The following ATG4D variants were observed in gnomAD, a reference collection of about 807,000 sequenced individuals.
ATG4D encodes cysteine protease ATG4D.
A neutral mutation model predicts 55.2 loss-of-function variants in ATG4D; 51 were observed. That is an observed-to-expected ratio of 0.92 (90% CI 0.74 to 1.17). The LOEUF is 1.17. ATG4D is among the 50% of genes most tolerant of loss of function. The pLI, the probability that ATG4D is intolerant of heterozygous loss-of-function variation, is 0.00. For missense variants in ATG4D, 635 were observed against 649.6 expected (o/e 0.98, Z 0.25); for synonymous variants, 268 against 266.2 (o/e 1.01, Z -0.07).
chr19:10,553,264 C>A lies in ATG4D; in HGVS notation c.*197C>A. The A allele has an allele frequency of 1.5e-6, 1 of 687,492 alleles. No individual in the cohort carries two copies. The highest frequency in any genetic ancestry group is 2.3e-6 in the Non-Finnish European group (1 of 440,504). The allele number at this position is 687,492 out of a possible 1,614,324, so 42.6% of individuals were successfully genotyped here. A position where few individuals can be genotyped will look rare whatever the true frequency, so the allele number is the denominator to read the frequency against. ...ATACACCTGTCTCCCACCAGCGGGG[C>A]CCTCCTGGCAGGGTAGGGAAGGAGG... On this transcript the variant is annotated 3_prime_UTR_variant, in exon 10 of 10. Transcript: ENST00000309469.
intron 3 of ATG4D, among the ~76,000 whole-genome samples, chr19:10,545,465 C>G (rs994386520): frequency 5.3e-5 from 8 of 150,620 alleles, no homozygotes; most frequent in Admixed American, 3.3e-4. Context: ...CCAGCTACTC[C>G]CGAGGCTGAG....
intron 5 of ATG4D, 46 bp downstream of exon 5, chr19:10,547,299 G>A: frequency 6.3e-7 from 1 of 1,595,858 alleles, no homozygotes. Context: ...CCCTGAGCCA[G>A]ACTCTGCCTT....
intron 9 of ATG4D, 32 bp downstream of exon 9, chr19:10,552,356 G>A (rs368055589): frequency 3.1e-6 from 5 of 1,593,910 alleles, no homozygotes; most frequent in Non-Finnish European, 3.4e-6. Context: ...GTGGGGTGAG[G>A]GGGGCGGTTG....
rs773668883 is a variant in ATG4D at position 10,545,076 on chromosome 19, C to G, written c.439C>G (p.Arg147Gly). ...TSDCGWGCML[R>G]SGQMMLAQGL... The stretch of plus-strand genomic sequence containing the variant: ...GGACTGTGGCTGGGGGTGCATGTTA[C>G]GCAGCGGCCAGATGATGCTGGCACA... Residue 147 changes from arginine (R) to glycine (G), a missense_variant, in exon 3 of 10, where the codon CGC becomes GGC. By Grantham distance (125) the Arg-to-Gly change is moderately radical (BLOSUM62 -2). Transcript: ENST00000309469. 1.5e-5 allele frequency: 25 copies of G among 1,612,974 alleles called. No homozygotes were observed. Among genetic ancestry groups the G allele is most frequent in the Non-Finnish European group, 2.1e-5 (25 of 1,180,024 alleles).
At chr19:10,548,192 G>C (rs944294340) in intron 5 of ATG4D, among the ~76,000 whole-genome samples, 1 of 151,182 alleles carries the variant, frequency 6.6e-6, no homozygotes, top group African/African-American at 2.4e-5. Context: ...ATCACGCCCA[G>C]CTAATTTTTT....
chr19:10,545,663 G>A (rs910288155), intron 3 of ATG4D, among the ~76,000 whole-genome samples: 1 of 150,498 alleles, frequency 6.6e-6, no homozygotes, highest in Non-Finnish European at 1.5e-5. Context: ...GGATCATGAG[G>A]TCAGGAGTTC....
chr19:10,545,161 G>T, intron 3 of ATG4D, 31 bp downstream of exon 3: 1 of 1,601,836 alleles, frequency 6.2e-7, no homozygotes, highest in Non-Finnish European at 8.5e-7. Context: ...GGTGCACTAG[G>T]AGTACAGGGT....
At chr19:10,544,599 A>C in intron 1 of ATG4D, 184 bp from the exon 2 acceptor site, 2 of 1,236,054 alleles carry the variant, frequency 1.6e-6, no homozygotes, top group Non-Finnish European at 1.1e-6. Flanking sequence ...ACCTTCCTTC[A>C]TCCTGAATTG....
Position 10,553,382 on chromosome 19 carries a change from T to C in ATG4D, c.*315T>C. 1 of 282,976 alleles carries C rather than the reference T, an allele frequency of 3.5e-6. No individual in the cohort carries two copies. The highest frequency in any genetic ancestry group is 6.7e-6 in the Non-Finnish European group (1 of 149,162). The allele number at this position is 282,976 out of a possible 1,614,324, so 17.5% of individuals were successfully genotyped here. On this transcript the variant is annotated 3_prime_UTR_variant, in exon 10 of 10. Coordinates refer to ENST00000309469, the MANE Select transcript of ATG4D (RefSeq NM_032885.6). ...TGTCCCAAAGCCCCCTTGGGGGAAC[T>C]GTGGCTGCTGGGGGCCAATAAAGCT...
At chr19:10,549,916 TG>T (rs562372373) in intron 6 of ATG4D, among the ~76,000 whole-genome samples, 6 of 152,102 alleles carry the variant, frequency 3.9e-5, no homozygotes, top group Non-Finnish European at 8.8e-5. Flanking sequence ...CCAGGCACAG[TG>T]GCTCAGGCCT....
chr19:10,546,232 G>T (rs1254296194), intron 3 of ATG4D, among the ~76,000 whole-genome samples: 2 of 151,908 alleles, frequency 1.3e-5, no homozygotes, highest in Non-Finnish European at 2.9e-5. Flanking sequence ...GCTGAGGCGG[G>T]AGAATCTGTT....
At chr19:10,552,351 G>C in intron 9 of ATG4D, 27 bp downstream of exon 9, 1 of 1,601,120 alleles carries the variant, frequency 6.2e-7, no homozygotes, top group Non-Finnish European at 8.5e-7. Flanking sequence ...CTGGAGTGGG[G>C]TGAGGGGGGC....
chr19:10,548,870 A>T, intron 5 of ATG4D, 34 bp from the exon 6 acceptor site: 2 of 1,606,662 alleles, frequency 1.2e-6, no homozygotes, highest in Non-Finnish European at 1.7e-6. Context: ...GAAGGGTGGC[A>T]AGAAGGTGAC....
chr19:10,548,500 A>T (rs1916121996), intron 5 of ATG4D, among the ~76,000 whole-genome samples: 1 of 152,050 alleles, frequency 6.6e-6, no homozygotes, highest in Non-Finnish European at 1.5e-5. Context: ...ATGGGACTGG[A>T]GGAGGAGGGA....
At position 10,548,926 on chromosome 19, in the gene ATG4D, C is replaced by G; in HGVS notation, c.858C>G (p.Arg286=). The G allele has an allele frequency of 1.2e-6, 2 of 1,614,078 alleles. No homozygotes were observed. Among genetic ancestry groups the G allele is most frequent in the South Asian group, 2.2e-5 (2 of 91,078 alleles). The change falls in exon 6 of 10, where the codon CGC becomes CGG. Residue 286 remains arginine, a synonymous_variant. Coordinates refer to ENST00000309469, the MANE Select transcript of ATG4D (RefSeq NM_032885.6). The part of the protein sequence containing the change: ...DCTVYKADVA[R]LVARPDPTAE... ...CAGTGTACAAGGCGGATGTGGCACGCCTGGTGGCCAGGCCAGACCCCACAG... is the reference window on the plus strand; with the variant it reads ...CAGTGTACAAGGCGGATGTGGCACGGCTGGTGGCCAGGCCAGACCCCACAG...
rs142513981 is a variant in ATG4D, at chr19:10,552,264, C to T, written c.1182C>T (p.Thr394=). Residue 394 remains threonine, a synonymous_variant, in exon 9 of 10, where the codon ACC becomes ACT. Coordinates refer to ENST00000309469, the MANE Select transcript of ATG4D (RefSeq NM_032885.6). ...TTGCCAAGATGGACCCAAGCTGTACCGTGGGCTTCTATGCTGGAGACAGGA... is the reference window on the plus strand; with the variant it reads ...TTGCCAAGATGGACCCAAGCTGTACTGTGGGCTTCTATGCTGGAGACAGGA... The part of the protein sequence containing the change: ...MAFAKMDPSC[T]VGFYAGDRKE... The T allele has an allele frequency of 1.7e-5, 27 of 1,613,604 alleles. No homozygotes were observed. Among genetic ancestry groups the T allele is most frequent in the Middle Eastern group, 1.6e-4 (1 of 6,084 alleles).
chr19:10,544,674 C>T (rs776737309), intron 1 of ATG4D, 109 bp from the exon 2 acceptor site: 8 of 1,535,942 alleles, frequency 5.2e-6, no homozygotes, highest in African/African-American at 4.1e-5. Flanking sequence ...GGAGCCACCC[C>T]GGAGATAGGA....
At position 10,544,205 on chromosome 19, in the gene ATG4D, C is replaced by CGT; in HGVS notation, c.115_116insGT (p.Leu39ArgfsTer33). 2.4e-6 allele frequency: 3 copies of CGT among 1,252,742 alleles called. No individual in the cohort carries two copies. The highest frequency in any genetic ancestry group is 3.0e-6 in the Non-Finnish European group (3 of 990,848). 77.6% of individuals were successfully genotyped at this position (1,252,742 alleles called of 1,614,324 possible). ...TCCCAGAGGCCCAGACCCCAACGGC[C>CGT]TGGGGCCTTCCGGAGCCAGCGGCCC... On this transcript the variant is annotated frameshift_variant, in exon 1 of 10. Coordinates refer to ENST00000309469, the MANE Select transcript of ATG4D (RefSeq NM_032885.6). LOFTEE classifies it high-confidence loss of function.
In ATG4D at chr19:10,553,097, C is replaced by T. The variant is rs1555747588; in HGVS notation, c.*30C>T. 8 of 1,560,990 alleles carry T rather than the reference C, an allele frequency of 5.1e-6. No individual in the cohort carries two copies. The highest frequency in any genetic ancestry group is 6.9e-6 in the Non-Finnish European group (8 of 1,154,234). ...AGGGGATGAGGGGAAAGATACAACA[C>T]TATTTATTTTTTTATTTATGTCATG... is the stretch of plus-strand genomic sequence containing the variant. On this transcript the variant is annotated 3_prime_UTR_variant, in exon 10 of 10. Transcript: ENST00000309469.
Sources: gnomAD v4.1 joint callset for allele counts (sites outside exome capture counted in the v4.1 genomes callset) on GRCh38, gnomAD v4.1.1 for gene constraint, MANE v1.5 for transcripts, NCBI Gene and HGNC (gene_info 2026-07-23, HGNC 2026-07-21) for gene names.